The following RAP1GAP2 variants were observed in gnomAD, a reference collection of about 807,000 sequenced individuals.
The protein encoded by RAP1GAP2 is rap1 GTPase-activating protein 2.
Under a neutral mutation model 95.0 loss-of-function variants are expected in RAP1GAP2, and 27 were observed. The ratio of observed to expected loss-of-function variants is 0.28; its 90% CI spans 0.21 to 0.39. The LOEUF is 0.39. Ranked by LOEUF, RAP1GAP2 falls within the 10% of genes least tolerant of loss-of-function variation. The probability of loss-of-function intolerance (pLI) is 1.00; values close to 1 mark genes in which losing one functional copy is unlikely to be tolerated. For missense variants in RAP1GAP2, 771 were observed against 970.0 expected, an observed-to-expected ratio of 0.79 and a Z score of 2.72; for synonymous variants, 373 against 380.9, an observed-to-expected ratio of 0.98 and a Z score of 0.24.
intron 8 of RAP1GAP2, among the ~76,000 whole-genome samples, chr17:2,975,974 G>T (rs1228096429): frequency 6.6e-6 from 1 of 152,232 alleles, no homozygotes; most frequent in Admixed American, 6.5e-5. Flanking sequence ...TGATTATAAA[G>T]AGGGCACGTT....
chr17:2,778,240 G>T (rs1375759417), intron 1 of RAP1GAP2, among the ~76,000 whole-genome samples: 1 of 150,720 alleles, frequency 6.6e-6, no homozygotes, highest in Non-Finnish European at 1.5e-5. Flanking sequence ...GCTGCCTCTG[G>T]TCCCTCCTTC....
chr17:2,994,624 A>T (rs1302911544), intron 12 of RAP1GAP2, among the ~76,000 whole-genome samples: 1 of 152,216 alleles, frequency 6.6e-6, no homozygotes, highest in African/African-American at 2.4e-5. Context: ...TGGCTGCCCT[A>T]GCTCTGGGCA....
At chr17:2,984,216 T>C (rs2045472856) in intron 10 of RAP1GAP2, among the ~76,000 whole-genome samples, 1 of 151,848 alleles carries the variant, frequency 6.6e-6, no homozygotes, top group Admixed American at 6.6e-5. Context: ...GGTGTGATGG[T>C]GGGGGCCTGT....
At chr17:2,765,707 C>G (rs916230287) in intron 1 of RAP1GAP2, among the ~76,000 whole-genome samples, 3 of 151,198 alleles carry the variant, frequency 2.0e-5, no homozygotes, top group Non-Finnish European at 4.4e-5. Flanking sequence ...CGCGCCACTG[C>G]ACCCCAGACT....
chr17:2,915,478 G>A (rs964697565), intron 3 of RAP1GAP2, among the ~76,000 whole-genome samples: 16 of 151,994 alleles, frequency 1.1e-4, no homozygotes, highest in African/African-American at 3.1e-4. Context: ...CAAGCGATCC[G>A]CCCACCTTGG....
intron 19 of RAP1GAP2, among the ~76,000 whole-genome samples, chr17:3,021,535 A>G (rs1323744307): frequency 6.7e-6 from 1 of 149,866 alleles, no homozygotes; most frequent in Non-Finnish European, 1.5e-5. Context: ...CCTGGGTTCA[A>G]GCAGTTCTCC....
At chr17:2,758,895 C>T (rs966047231) in intron 1 of RAP1GAP2, among the ~76,000 whole-genome samples, 24 of 152,286 alleles carry the variant, frequency 1.6e-4, no homozygotes, top group Admixed American at 7.9e-4. Context: ...GATCACAGCT[C>T]ACTGCAGCCT....
At chr17:2,960,123 CA>C (rs71153316) in intron 4 of RAP1GAP2, among the ~76,000 whole-genome samples, 255 of 80,974 alleles carry the variant, frequency 3.1e-3, no homozygotes, top group Middle Eastern at 0.014. Flanking sequence ...GACTCCATCT[CA>C]AAAAAAAAAA....
chr17:2,940,202 G>T (rs1308182287), intron 3 of RAP1GAP2, among the ~76,000 whole-genome samples: 1 of 152,148 alleles, frequency 6.6e-6, no homozygotes, highest in African/African-American at 2.4e-5. Context: ...CCTGCCACGG[G>T]TCATGGAAGC....
chr17:2,807,513 G>A (rs527497361), intron 2 of RAP1GAP2, among the ~76,000 whole-genome samples: 11 of 152,130 alleles, frequency 7.2e-5, no homozygotes, highest in Non-Finnish European at 1.5e-4. Flanking sequence ...AGTTGCCATG[G>A]CACGGGACAA....
intron 11 of RAP1GAP2, among the ~76,000 whole-genome samples, chr17:2,990,581 G>A (rs761240305): frequency 6.6e-6 from 1 of 152,044 alleles, no homozygotes; most frequent in African/African-American, 2.4e-5. Context: ...TTTAGCTTTC[G>A]GGACCTGCCT....
At chr17:2,940,184 G>T (rs112596678) in intron 3 of RAP1GAP2, among the ~76,000 whole-genome samples, 1 of 152,282 alleles carries the variant, frequency 6.6e-6, no homozygotes, top group African/African-American at 2.4e-5. Context: ...GCCCCGAGTG[G>T]CTGTTTGCCT....
chr17:2,999,244 T>C (rs1480738526), intron 14 of RAP1GAP2, among the ~76,000 whole-genome samples: 1 of 152,178 alleles, frequency 6.6e-6, no homozygotes, highest in East Asian at 1.9e-4. Context: ...AGAAAGAATC[T>C]CCACCTCTTG....
intron 2 of RAP1GAP2, among the ~76,000 whole-genome samples, chr17:2,840,964 C>T (rs1209009878): frequency 6.6e-6 from 1 of 151,908 alleles, no homozygotes; most frequent in African/African-American, 2.4e-5. Context: ...CGCCACTGCA[C>T]TCCAGCCTGG....
Position 2,974,777 on chromosome 17 carries a change from T to C in RAP1GAP2, c.597-5510T>C, listed in dbSNP as rs1158027476. Among the ~76,000 whole-genome samples the C allele has an allele frequency of 2.0e-5, 3 of 151,330 alleles. No homozygotes were observed. In the South Asian group the frequency reaches 6.2e-4, roughly 32 times the overall value. On this transcript the variant is annotated intron_variant, in intron 8 of 24. Transcript: ENST00000254695. ...GATGAAAAAAATATAAATAGGTGTA[T>C]TGGAAGATACAGAAATACAGTCTAT...
In RAP1GAP2 at chr17:2,906,442, C is replaced by T. The variant is rs1011629691; in HGVS notation, c.165+1074C>T. 6.8e-6 allele frequency among the ~76,000 whole-genome samples: 1 copy of T among 146,458 alleles called. No homozygotes were observed. The highest frequency in any genetic ancestry group is 1.5e-5 in the Non-Finnish European group (1 of 66,250). On this transcript the variant is annotated intron_variant, in intron 3 of 24. Transcript: ENST00000254695. This position sits in a 1 kb window ranked among gnomAD's most constrained non-coding sequence, Gnocchi z 4.3. ...TGTTGAGGGGTAGCCAGAGCCTGCC[C>T]TGGGTGGGTTAAGTGGTCAGCGGTG...
Position 3,004,152 on chromosome 17 carries a change from G to A in RAP1GAP2, c.1201-1217G>A, listed in dbSNP as rs1229310038. Among the ~76,000 whole-genome samples, 2 of 152,294 alleles carry A rather than the reference G, an allele frequency of 1.3e-5. No individual in the cohort carries two copies. Among genetic ancestry groups the A allele is most frequent in the South Asian group, 2.1e-4 (1 of 4,828 alleles). ...GACTGAATTCTTGACCTGGGCCACCGGTGCCTGGTGGGTGGTGGTAGGGAA... is the reference window on the plus strand; with the variant it reads ...GACTGAATTCTTGACCTGGGCCACCAGTGCCTGGTGGGTGGTGGTAGGGAA... On this transcript the variant is annotated intron_variant, in intron 14 of 24. Transcript: ENST00000254695. This position sits in a 1 kb window ranked among gnomAD's most constrained non-coding sequence, Gnocchi z 4.1.
chr17:2,762,033 T>G lies in RAP1GAP2; in HGVS notation c.50+6266T>G, dbSNP rs544541694. Among the ~76,000 whole-genome samples the G allele has an allele frequency of 7.5e-3, 1,034 of 138,138 alleles. 7 individuals carry two copies. The highest frequency in any genetic ancestry group is 0.011 in the Non-Finnish European group (741 of 64,814). 90.6% of individuals were successfully genotyped at this position (138,138 alleles called of 152,430 possible). ...AGACGGAGTCTTGCTCTGTTGCCCA[T>G]GCTGGAGCACAGTGGTGCAATCTTG... On this transcript the variant is annotated intron_variant, in intron 1 of 25. Coordinates refer to the RAP1GAP2 transcript ENST00000637138.
chr17:2,998,093 A>C (rs776929834), intron 13 of RAP1GAP2, 128 bp from the exon 14 acceptor site: 343 of 1,089,400 alleles, frequency 3.1e-4, no homozygotes, highest in Non-Finnish European at 4.3e-4. Context: ...CCAAAACAAC[A>C]ACCACGAACT....
Sources: allele counts gnomAD v4.1 joint callset (sites outside exome capture counted in the v4.1 genomes callset), GRCh38; gene constraint gnomAD v4.1.1; non-coding constraint Gnocchi (gnomAD v3.1); transcripts MANE v1.5; gene names NCBI Gene and HGNC (gene_info 2026-07-23, HGNC 2026-07-21).